The following KCNH1 variants were observed in gnomAD, a reference collection of about 807,000 sequenced individuals.
The protein encoded by KCNH1 is voltage-gated delayed rectifier potassium channel KCNH1.
KCNH1 carries 27 observed loss-of-function variants against 69.2 expected under a neutral mutation model. That is an observed-to-expected ratio of 0.39 (90% CI 0.29 to 0.54). The LOEUF is 0.54. Among genes scored for constraint, KCNH1 ranks in the 20% least tolerant of loss-of-function variants. The pLI is 0.68. For synonymous variants in KCNH1, 456 were observed against 487.7 expected (o/e 0.93, Z 0.86); for missense variants, 798 against 1,261.6 (o/e 0.63, Z 5.57).
chr1:210,766,999 T>C (rs896169686), intron 10 of KCNH1, among the ~76,000 whole-genome samples: 3 of 152,202 alleles, frequency 2.0e-5, no homozygotes, highest in African/African-American at 7.2e-5. Context: ...AAGGCTAGAA[T>C]GAAAACCTCC....
intron 5 of KCNH1, among the ~76,000 whole-genome samples, chr1:211,026,639 C>T (rs1180969015): frequency 1.3e-5 from 2 of 152,142 alleles, no homozygotes; most frequent in African/African-American, 4.8e-5. Context: ...GATATTCCAG[C>T]CAGAAAAGGC....
intron 6 of KCNH1, among the ~76,000 whole-genome samples, chr1:210,953,008 C>T (rs983095977): frequency 6.6e-6 from 1 of 152,182 alleles, no homozygotes; most frequent in African/African-American, 2.4e-5. Flanking sequence ...GCTGTTCCAA[C>T]TTTTCATACT....
chr1:210,769,234 T>C (rs1232522257), intron 10 of KCNH1, among the ~76,000 whole-genome samples: 13 of 152,196 alleles, frequency 8.5e-5, no homozygotes, highest in Admixed American at 8.5e-4. Flanking sequence ...CCTTCCACAA[T>C]AATTTATTCA....
chr1:210,924,342 A>C (rs1231128876), intron 6 of KCNH1, among the ~76,000 whole-genome samples: 1 of 152,210 alleles, frequency 6.6e-6, no homozygotes, highest in Admixed American at 6.5e-5. Flanking sequence ...AACTAAATTG[A>C]AGTTTGAATT....
chr1:210,880,133 G>A (rs2102506899), intron 7 of KCNH1, among the ~76,000 whole-genome samples: 1 of 152,266 alleles, frequency 6.6e-6, no homozygotes, highest in Non-Finnish European at 1.5e-5. Context: ...TGGTTAGGAA[G>A]GCTCAATATT....
rs558162660 is a variant in KCNH1 at position 211,007,833 on chromosome 1, A to C, written c.1032+10950T>G. Among the ~76,000 whole-genome samples, 7 of 152,320 alleles carry C rather than the reference A, an allele frequency of 4.6e-5. No individual in the cohort carries two copies. In the East Asian group the frequency reaches 1.3e-3, roughly 29 times the overall value. On this transcript the variant is annotated intron_variant, in intron 6 of 10. Transcript: ENST00000271751. ...AAAGTTCTCAGAATCTATTGTTTAT[A>C]AAGAATCCAAATTACACATATTAGA...
intron 6 of KCNH1, among the ~76,000 whole-genome samples, chr1:211,009,943 A>C (rs1194906986): frequency 6.6e-6 from 1 of 152,132 alleles, no homozygotes; most frequent in East Asian, 1.9e-4. Flanking sequence ...TTTGTCAATG[A>C]ATAAGAAGCA....
intron 10 of KCNH1, among the ~76,000 whole-genome samples, chr1:210,716,710 T>TTGTC (rs1445706703): frequency 6.6e-6 from 1 of 152,160 alleles, no homozygotes; most frequent in Non-Finnish European, 1.5e-5. Context: ...GATGACCAAA[T>TTGTC]TGTCTCTGAT....
chr1:210,857,118 G>A (rs1375894069), intron 7 of KCNH1, among the ~76,000 whole-genome samples: 1 of 151,730 alleles, frequency 6.6e-6, no homozygotes, highest in Non-Finnish European at 1.5e-5. Flanking sequence ...AAGACCCTCA[G>A]GTGATCTGTA....
chr1:210,721,310 G>A (rs1188377270), intron 10 of KCNH1, among the ~76,000 whole-genome samples: 1 of 152,198 alleles, frequency 6.6e-6, no homozygotes, highest in Non-Finnish European at 1.5e-5. Flanking sequence ...CCTACGAGGA[G>A]CTAGCCTGAT....
intron 6 of KCNH1, among the ~76,000 whole-genome samples, chr1:210,964,194 C>A (rs898522445): frequency 1.2e-4 from 18 of 152,160 alleles, no homozygotes; most frequent in African/African-American, 4.3e-4. Flanking sequence ...AACTAATCTT[C>A]ATAAGGAAGG....
intron 6 of KCNH1, among the ~76,000 whole-genome samples, chr1:210,922,243 G>A (rs779424521): frequency 2.6e-5 from 4 of 151,938 alleles, no homozygotes; most frequent in South Asian, 4.2e-4. Flanking sequence ...TTAGCCAGGC[G>A]TGGTGGCAGG....
intron 6 of KCNH1, among the ~76,000 whole-genome samples, chr1:210,934,277 A>G (rs757985161): frequency 2.0e-5 from 3 of 152,240 alleles, no homozygotes; most frequent in Non-Finnish European, 4.4e-5. Context: ...TAAACTCTCC[A>G]TCCAACAAGG....
chr1:210,871,001 T>C (rs969327060), intron 7 of KCNH1, among the ~76,000 whole-genome samples: 1 of 152,098 alleles, frequency 6.6e-6, no homozygotes. Context: ...ATAGGGAAAA[T>C]ATATTCTGCA....
At chr1:210,773,816 G>A (rs1443727499) in intron 10 of KCNH1, among the ~76,000 whole-genome samples, 1 of 152,080 alleles carries the variant, frequency 6.6e-6, no homozygotes, top group Non-Finnish European at 1.5e-5. Context: ...TTAGACTTTA[G>A]GTTCCCAGAG....
intron 6 of KCNH1, among the ~76,000 whole-genome samples, chr1:210,937,139 C>G (rs1004372964): frequency 6.6e-6 from 1 of 152,228 alleles, no homozygotes; most frequent in Non-Finnish European, 1.5e-5. Context: ...AATCAACACA[C>G]AACGGCTCAA....
intron 7 of KCNH1, among the ~76,000 whole-genome samples, chr1:210,837,227 C>A (rs764992072): frequency 2.6e-5 from 4 of 152,132 alleles, no homozygotes; most frequent in Non-Finnish European, 4.4e-5. Flanking sequence ...AGACACAGCT[C>A]CTCTAAAAAG....
At chr1:210,899,671 T>C (rs1256843129) in intron 7 of KCNH1, among the ~76,000 whole-genome samples, 2 of 152,330 alleles carry the variant, frequency 1.3e-5, no homozygotes, top group Admixed American at 6.5e-5. Context: ...TAACTTCCAC[T>C]AACTGGTGGG....
intron 7 of KCNH1, among the ~76,000 whole-genome samples, chr1:210,903,877 G>A (rs896757978): frequency 1.3e-5 from 2 of 152,106 alleles, no homozygotes; most frequent in Admixed American, 6.6e-5. Context: ...TGCTCCTTGG[G>A]GACACAAACA....
Sources: allele counts gnomAD v4.1 joint callset (sites outside exome capture counted in the v4.1 genomes callset), GRCh38; gene constraint gnomAD v4.1.1; transcripts MANE v1.5; gene names NCBI Gene and HGNC (gene_info 2026-07-23, HGNC 2026-07-21).